The following TBC1D24 variants were observed in gnomAD, a reference collection of about 807,000 sequenced individuals.
TBC1D24 encodes Infantile myoclonic epilepsy.
TBC1D24 carries 47 observed loss-of-function variants against 50.7 expected under a neutral mutation model. The ratio of observed to expected loss-of-function variants is 0.93; its 90% CI spans 0.73 to 1.18. The LOEUF is 1.18. TBC1D24 is among the 50% of genes most tolerant of loss of function. The pLI, the probability that TBC1D24 is intolerant of heterozygous loss-of-function variation, is 0.00. For missense variants in TBC1D24, 688 were observed against 766.5 expected (o/e 0.90, Z 1.21); for synonymous variants, 324 against 335.2 (o/e 0.97, Z 0.36).
Position 2,496,221 on chromosome 16 carries a change from A to G in TBC1D24, c.73A>G (p.Lys25Glu). The change falls in exon 2 of 8, where the codon AAG (lysine) becomes GAG (glutamate). Residue 25 changes from lysine (K) to glutamate (E), a missense_variant. Coordinates refer to ENST00000646147, the MANE Select transcript of TBC1D24 (RefSeq NM_001199107.2). ...MDAAIQDLGPKELSCTELQEL... is the reference protein window; with the variant it reads ...MDAAIQDLGPEELSCTELQEL... ...CGCTGCCATCCAGGACCTGGGGCCC[A>G]AGGAGCTGAGCTGCACTGAACTGCA... is the stretch of plus-strand genomic sequence containing the variant. 6.2e-7 allele frequency: 1 copy of G among 1,613,910 alleles called. No individual in the cohort carries two copies. Among genetic ancestry groups the G allele is most frequent in the Non-Finnish European group, 8.5e-7 (1 of 1,179,990 alleles).
chr16:2,488,493 C>CTTTT (rs34983305), intron 1 of TBC1D24, among the ~76,000 whole-genome samples: 13 of 100,728 alleles, frequency 1.3e-4, no homozygotes, highest in East Asian at 2.8e-4. Flanking sequence ...TCGCACATAG[C>CTTTT]TTTTTTTTTT....
chr16:2,498,088 C>T (rs191478265), intron 3 of TBC1D24, 150 bp from the exon 4 acceptor site: 23 of 1,047,436 alleles, frequency 2.2e-5, no homozygotes, highest in Admixed American at 4.6e-5. Flanking sequence ...CCGTTGGGCA[C>T]CTAGAACCCG....
Position 2,500,702 on chromosome 16 carries a change from C to G in TBC1D24, c.1526-102C>G. 6.8e-7 allele frequency: 1 copy of G among 1,473,378 alleles called. No homozygotes were observed. 91.3% of individuals were successfully genotyped at this position (1,473,378 alleles called of 1,614,324 possible). On this transcript the variant is annotated intron_variant, in intron 7 of 7. Transcript: ENST00000646147. The surrounding 1 kb of genome is among the most constrained non-coding windows in gnomAD (Gnocchi z 8.0). ...GGAGGGTCAACGGTCTGTGCGGTTT[C>G]AGAGAGGCCCGTGCAGGGCAGGACA...
At chr16:2,497,205 C>A in intron 2 of TBC1D24, 92 bp downstream of exon 2, 2 of 1,544,654 alleles carry the variant, frequency 1.3e-6, no homozygotes, top group Admixed American at 1.7e-5. Context: ...GGCCTCCAGG[C>A]GGCCTCTGCC....
At chr16:2,497,160 G>GGGGCAGGACGTGTC in intron 2 of TBC1D24, 47 bp downstream of exon 2, 1 of 1,597,514 alleles carries the variant, frequency 6.3e-7, no homozygotes, top group Non-Finnish European at 8.5e-7. Context: ...GTCGGGGGCT[G>GGGGCAGGACGTGTC]GGGCAGGACG....
Position 2,502,551 on chromosome 16 carries a change from G to C in TBC1D24, c.*1593G>C, listed in dbSNP as rs377188743. The C allele has an allele frequency of 6.6e-6, 1 of 152,462 alleles. No homozygotes were observed. Among genetic ancestry groups the C allele is most frequent in the African/African-American group, 2.4e-5 (1 of 41,466 alleles). The allele number at this position is 152,462 out of a possible 1,614,324, so 9.4% of individuals were successfully genotyped here. On this transcript the variant is annotated 3_prime_UTR_variant, in exon 8 of 8. Transcript: ENST00000646147. ...CCATCTGCTCATGTAGCCTCTGACTGGGCGCACAGTGGTGCAGGAGGAAGG... is the reference window on the plus strand; with the variant it reads ...CCATCTGCTCATGTAGCCTCTGACTCGGCGCACAGTGGTGCAGGAGGAAGG...
chr16:2,492,634 G>T (rs1177379597), intron 1 of TBC1D24, among the ~76,000 whole-genome samples: 1 of 152,186 alleles, frequency 6.6e-6, no homozygotes, highest in Admixed American at 6.5e-5. Context: ...TGTGACCCAG[G>T]CGTGGCTGTG....
chr16:2,491,367 T>C (rs1567408771), intron 1 of TBC1D24, among the ~76,000 whole-genome samples: 1 of 152,058 alleles, frequency 6.6e-6, no homozygotes. Flanking sequence ...TTTATGTATT[T>C]ATTTTTTATT....
At position 2,485,343 on chromosome 16, in the gene TBC1D24, C is replaced by G. The variant is rs567667951; in HGVS notation, c.-116+10173C>G. ...CCAGTGGGGTAATCAGTTATGCCTACTTAACAAGGGCTCCATGTCAACCCT... is the reference window on the plus strand; with the variant it reads ...CCAGTGGGGTAATCAGTTATGCCTAGTTAACAAGGGCTCCATGTCAACCCT... On this transcript the variant is annotated intron_variant, in intron 1 of 7. Transcript: ENST00000646147. This position sits in a 1 kb window ranked among gnomAD's most constrained non-coding sequence, Gnocchi z 4.6. 2.6e-5 allele frequency: 4 copies of G among 152,268 alleles called. No individual in the cohort carries two copies. In the South Asian group the frequency reaches 8.3e-4, roughly 32 times the overall value. The allele number at this position is 152,268 out of a possible 1,614,324, so 9.4% of individuals were successfully genotyped here.
At chr16:2,478,518 G>A (rs2065586270) in intron 1 of TBC1D24, 1 of 152,292 alleles carries the variant, frequency 6.6e-6, no homozygotes, top group Non-Finnish European at 1.5e-5. Flanking sequence ...TGGAGCCAAG[G>A]AGAGTGTACT....
chr16:2,490,479 T>TC (rs1343273695), intron 1 of TBC1D24, among the ~76,000 whole-genome samples: 1 of 152,102 alleles, frequency 6.6e-6, no homozygotes, highest in Non-Finnish European at 1.5e-5. Context: ...GAAGATGGCT[T>TC]CCCCCACAGG....
chr16:2,475,743 G>A lies in TBC1D24; in HGVS notation c.-116+573G>A, dbSNP rs1388514619. Among the ~76,000 whole-genome samples, 1 of 152,144 alleles carries A rather than the reference G, an allele frequency of 6.6e-6. No individual in the cohort carries two copies. Among genetic ancestry groups the A allele is most frequent in the East Asian group, 1.9e-4 (1 of 5,168 alleles). On this transcript the variant is annotated intron_variant, in intron 1 of 7. Coordinates refer to ENST00000646147, the MANE Select transcript of TBC1D24 (RefSeq NM_001199107.2). The surrounding 1 kb of genome is among the most constrained non-coding windows in gnomAD (Gnocchi z 4.2). The stretch of plus-strand genomic sequence containing the variant: ...GCGGCCGCTGTCCTTCGGGCCCTGG[G>A]AGGTGGAAGCCAGGGACTCCCAGCC...
rs2065652746 is a variant in TBC1D24 at position 2,486,588 on chromosome 16, G to A, written c.-115-9446G>A. ...TCAACCTGGAGTCCTAGCGAACACT[G>A]ACCTACGTTGGGACAGGGCTGCCTC... is the stretch of plus-strand genomic sequence containing the variant. On this transcript the variant is annotated intron_variant, in intron 1 of 7. Transcript: ENST00000646147. The surrounding 1 kb of genome is among the most constrained non-coding windows in gnomAD (Gnocchi z 5.8). 6.6e-6 allele frequency among the ~76,000 whole-genome samples: 1 copy of A among 152,230 alleles called. No individual in the cohort carries two copies. Among genetic ancestry groups the A allele is most frequent in the Non-Finnish European group, 1.5e-5 (1 of 68,034 alleles).
At chr16:2,495,096 T>A (rs757929458) in intron 1 of TBC1D24, among the ~76,000 whole-genome samples, 2 of 152,128 alleles carry the variant, frequency 1.3e-5, no homozygotes, top group South Asian at 4.1e-4. Flanking sequence ...CTCACACTTG[T>A]AATCCCAGCA....
chr16:2,488,585 C>T (rs1040749582), intron 1 of TBC1D24, among the ~76,000 whole-genome samples: 2 of 137,096 alleles, frequency 1.5e-5, no homozygotes, highest in African/African-American at 5.6e-5. Context: ...AATCTCGGCT[C>T]ACTGGAAGCT....
At position 2,475,521 on chromosome 16, in the gene TBC1D24, C is replaced by A. The variant is rs2065559437; in HGVS notation, c.-116+351C>A. On this transcript the variant is annotated intron_variant, in intron 1 of 7. Transcript: ENST00000646147. The surrounding 1 kb of genome is among the most constrained non-coding windows in gnomAD (Gnocchi z 4.2). Reference sequence around the variant, plus strand: ...TTCCTTGGGGCGCTTTCCGTCTCCGCAGGGTCGGAAATCCTCTTGGGGGCT... The same window carrying A: ...TTCCTTGGGGCGCTTTCCGTCTCCGAAGGGTCGGAAATCCTCTTGGGGGCT... Among the ~76,000 whole-genome samples, 2 of 151,984 alleles carry A rather than the reference C, an allele frequency of 1.3e-5. No homozygotes were observed. The highest frequency in any genetic ancestry group is 6.5e-5 in the Admixed American group (1 of 15,278).
chr16:2,494,049 C>T (rs1490455719), intron 1 of TBC1D24, among the ~76,000 whole-genome samples: 2 of 152,196 alleles, frequency 1.3e-5, no homozygotes, highest in Non-Finnish European at 2.9e-5. Context: ...AGTTAAGAGC[C>T]GGCTTCAGAA....
chr16:2,493,402 G>C (rs2065712506), intron 1 of TBC1D24, among the ~76,000 whole-genome samples: 1 of 152,120 alleles, frequency 6.6e-6, no homozygotes, highest in Non-Finnish European at 1.5e-5. Flanking sequence ...GCCTCCCAAA[G>C]TGCTGGGATT....
At chr16:2,494,027 G>C (rs1350637265) in intron 1 of TBC1D24, among the ~76,000 whole-genome samples, 1 of 151,922 alleles carries the variant, frequency 6.6e-6, no homozygotes, top group Non-Finnish European at 1.5e-5. Flanking sequence ...TTTCAAGCTG[G>C]TGGTTTTAGA....
Sources: gnomAD v4.1 joint callset for allele counts (sites outside exome capture counted in the v4.1 genomes callset) on GRCh38, gnomAD v4.1.1 for gene constraint, Gnocchi (gnomAD v3.1) non-coding constraint, MANE v1.5 for transcripts, NCBI Gene and HGNC (gene_info 2026-07-23, HGNC 2026-07-21) for gene names.